The following NLRC4 variants were observed in gnomAD, a reference collection of about 807,000 sequenced individuals.
The protein encoded by NLRC4 is NLR family CARD domain containing 4, also known as NLR family CARD domain-containing protein 4.
NLRC4 carries 63 observed loss-of-function variants against 79.9 expected under a neutral mutation model. The ratio of observed to expected loss-of-function variants is 0.79; its 90% CI spans 0.64 to 0.97. The LOEUF (loss-of-function observed/expected upper bound fraction) is 0.97. Among genes scored for constraint, NLRC4 ranks in the 50% least tolerant of loss-of-function variants. The pLI is 0.00. For missense variants in NLRC4, 1,074 were observed against 1,215.2 expected (o/e 0.88, Z 1.73); for synonymous variants, 461 against 456.5 (o/e 1.01, Z -0.12).
At chr2:32,228,764 T>A (rs1005994899) in intron 8 of NLRC4, among the ~76,000 whole-genome samples, 12 of 151,814 alleles carry the variant, frequency 7.9e-5, no homozygotes, top group Non-Finnish European at 1.6e-4. Context: ...GGGTCTGCGA[T>A]GGCTTTTTTT....
At chr2:32,259,934 A>G (rs1573505301) in intron 1 of NLRC4, among the ~76,000 whole-genome samples, 1 of 152,166 alleles carries the variant, frequency 6.6e-6, no homozygotes, top group South Asian at 2.1e-4. Context: ...TGTATAAAAT[A>G]CTAGAGTGTA....
rs754672945 is a variant in NLRC4, at chr2:32,224,673, C to T, written c.2875G>A (p.Gly959Ser). Residue 959 changes from glycine to serine, a missense_variant, in exon 9 of 9, where the codon GGT becomes AGT. Transcript: ENST00000402280. Reference sequence around the variant, plus strand: ...AATTGCTTAAGATTCTCAAATACACCCATGAAGGCAAGCCATCCATCACTG... The same window carrying T: ...AATTGCTTAAGATTCTCAAATACACTCATGAAGGCAAGCCATCCATCACTG... ...VSSDGWLAFM[G>S]VFENLKQLVF... The T allele has an allele frequency of 3.7e-6, 6 of 1,612,882 alleles. No homozygotes were observed. In the Admixed American group the frequency reaches 6.7e-5, roughly 18 times the overall value.
intron 2 of NLRC4, among the ~76,000 whole-genome samples, chr2:32,254,260 A>T (rs1338127196): frequency 6.6e-6 from 1 of 152,048 alleles, no homozygotes; most frequent in Admixed American, 6.6e-5. Context: ...TAATTCATGT[A>T]TAGTATCTCA....
chr2:32,257,940 G>C (rs898183431), intron 1 of NLRC4, among the ~76,000 whole-genome samples: 1 of 152,070 alleles, frequency 6.6e-6, no homozygotes, highest in Admixed American at 6.6e-5. Context: ...TCAGCTGTCC[G>C]TAGGCGTCTT....
At chr2:32,255,998 A>AG (rs1244610996) in intron 2 of NLRC4, among the ~76,000 whole-genome samples, 1 of 151,826 alleles carries the variant, frequency 6.6e-6, no homozygotes, top group Non-Finnish European at 1.5e-5. Context: ...TGGGCTACAG[A>AG]GCGAGACTCC....
intron 8 of NLRC4, among the ~76,000 whole-genome samples, chr2:32,225,409 A>ATGTGTG (rs35323064): frequency 4.5e-4 from 67 of 149,196 alleles, no homozygotes; most frequent in South Asian, 2.6e-3. Context: ...CATACAAAGG[A>ATGTGTG]TGTGTGTGTG....
chr2:32,234,865 GT>G (rs1445389641), intron 8 of NLRC4, among the ~76,000 whole-genome samples: 1 of 152,234 alleles, frequency 6.6e-6, no homozygotes, highest in Non-Finnish European at 1.5e-5. Flanking sequence ...AAGCCATTAT[GT>G]TTTGAGGCCA....
Position 32,224,696 on chromosome 2 carries a change from C to T in NLRC4, c.2852G>A (p.Ser951Asn). 1 of 1,610,386 alleles carries T rather than the reference C, an allele frequency of 6.2e-7. No homozygotes were observed. Among genetic ancestry groups the T allele is most frequent in the Non-Finnish European group, 8.5e-7 (1 of 1,178,776 alleles). Reference protein sequence around the residue: ...QLNLAGNRVSSDGWLAFMGVF... With the variant: ...QLNLAGNRVSNDGWLAFMGVF... ...ACCCATGAAGGCAAGCCATCCATCA[C>T]TGCTCACACGATTTCCCGCCAAATT... The change falls in exon 9 of 9, where the codon AGT becomes AAT. Residue 951 changes from serine to asparagine, a missense_variant. Transcript: ENST00000402280.
At chr2:32,231,249 G>T (rs1160222235) in intron 8 of NLRC4, among the ~76,000 whole-genome samples, 1 of 151,890 alleles carries the variant, frequency 6.6e-6, no homozygotes, top group Non-Finnish European at 1.5e-5. Flanking sequence ...CTGCCTCCAG[G>T]ATTCAAGCAA....
chr2:32,245,789 T>C (rs951138930), intron 4 of NLRC4, among the ~76,000 whole-genome samples: 14 of 152,142 alleles, frequency 9.2e-5, no homozygotes, highest in East Asian at 1.9e-4. Flanking sequence ...ATTTACCTTA[T>C]AGGGTTAAGA....
intron 4 of NLRC4, among the ~76,000 whole-genome samples, chr2:32,248,704 T>G (rs1042570701): frequency 6.6e-6 from 1 of 151,518 alleles, no homozygotes; most frequent in African/African-American, 2.4e-5. Flanking sequence ...AGGTTGAGGC[T>G]GCAATGAGCT....
chr2:32,252,335 CAG>C (rs1687096491), intron 3 of NLRC4, 82 bp downstream of exon 3: 2 of 985,530 alleles, frequency 2.0e-6, no homozygotes, highest in Admixed American at 4.1e-5. Context: ...GAAGGAAAAG[CAG>C]AGGCTCTGCC....
At chr2:32,244,368 C>CAAA (rs568577246) in intron 4 of NLRC4, among the ~76,000 whole-genome samples, 1 of 143,326 alleles carries the variant, frequency 7.0e-6, no homozygotes, top group Non-Finnish European at 1.5e-5. Context: ...TATTCATGAC[C>CAAA]AAAAAAAAAA....
upstream of NLRC4, among the ~76,000 whole-genome samples, chr2:32,265,205 G>A (rs767223407): frequency 2.0e-5 from 3 of 151,244 alleles, no homozygotes; most frequent in Non-Finnish European, 4.4e-5. Context: ...TTTTGAGACA[G>A]AGTCTTGTTC....
upstream of NLRC4, among the ~76,000 whole-genome samples, chr2:32,265,197 T>C (rs900710095): frequency 1.3e-5 from 2 of 152,202 alleles, no homozygotes; most frequent in African/African-American, 4.8e-5. Context: ...TTTCTTTTTT[T>C]TGAGACAGAG....
At chr2:32,233,763 G>T (rs900927931) in intron 8 of NLRC4, among the ~76,000 whole-genome samples, 3 of 152,162 alleles carry the variant, frequency 2.0e-5, no homozygotes, top group Non-Finnish European at 4.4e-5. Context: ...GTATTCTGCA[G>T]CTGTTGGATG....
At chr2:32,261,924 T>C (rs563703625) in intron 1 of NLRC4, among the ~76,000 whole-genome samples, 4 of 151,082 alleles carry the variant, frequency 2.6e-5, no homozygotes, top group Admixed American at 2.0e-4. Flanking sequence ...CTACTAAAAA[T>C]ACAAGAATTA....
chr2:32,234,156 C>T (rs756379286), intron 8 of NLRC4, among the ~76,000 whole-genome samples: 2 of 151,886 alleles, frequency 1.3e-5, no homozygotes, highest in East Asian at 1.9e-4. Context: ...CCAGGGCAGG[C>T]GGATCACGAG....
At chr2:32,260,453 C>A (rs7589416) in intron 1 of NLRC4, among the ~76,000 whole-genome samples, 11,820 of 152,158 alleles carry the variant, frequency 0.078, 529 homozygotes, top group Middle Eastern at 0.11. Flanking sequence ...ACTAGATGCT[C>A]ACAGCCATGG....
Sources: allele counts gnomAD v4.1 joint callset (sites outside exome capture counted in the v4.1 genomes callset), GRCh38; gene constraint gnomAD v4.1.1; transcripts MANE v1.5; gene names NCBI Gene and HGNC (gene_info 2026-07-23, HGNC 2026-07-21).